TMEM132B: variants seen among roughly 807,000 people sequenced by gnomAD.
The protein encoded by TMEM132B is transmembrane protein 132B.
In TMEM132B, 18 loss-of-function variants were observed where a neutral mutation model predicts 90.8. The observed-to-expected ratio is 0.20, with a 90% confidence interval of 0.14 to 0.29. The LOEUF is 0.29. TMEM132B is among the 10% of genes least tolerant of loss of function. The pLI is 1.00. For missense variants in TMEM132B, 1,096 were observed against 1,326.8 expected, an observed-to-expected ratio of 0.83 and a Z score of 2.70; for synonymous variants, 504 against 523.3, an observed-to-expected ratio of 0.96 and a Z score of 0.50.
At chr12:125,281,054 A>C (rs1211554888) in intron 1 of TMEM132B, among the ~76,000 whole-genome samples, 1 of 152,186 alleles carries the variant, frequency 6.6e-6, no homozygotes, top group Non-Finnish European at 1.5e-5. Context: ...ATGAACCCTA[A>C]GCATTTTGGC....
At chr12:125,202,807 G>A (rs975153798) in intron 1 of TMEM132B, among the ~76,000 whole-genome samples, 1 of 152,228 alleles carries the variant, frequency 6.6e-6, no homozygotes, top group African/African-American at 2.4e-5. Context: ...GCAGGATGGA[G>A]AAAAACCTGG....
chr12:125,499,068 G>T (rs1490809355), intron 3 of TMEM132B, among the ~76,000 whole-genome samples: 1 of 152,164 alleles, frequency 6.6e-6, no homozygotes, highest in Non-Finnish European at 1.5e-5. Flanking sequence ...CCTTTGGTGT[G>T]GTTATCATGT....
intron 1 of TMEM132B, among the ~76,000 whole-genome samples, chr12:125,280,244 A>G (rs1030687906): frequency 9.2e-5 from 14 of 152,246 alleles, no homozygotes; most frequent in Non-Finnish European, 1.8e-4. Flanking sequence ...TTCCCAACAC[A>G]AAGAAATAAA....
chr12:125,376,278 CTT>C (rs200168087), intron 2 of TMEM132B, among the ~76,000 whole-genome samples: 1 of 151,570 alleles, frequency 6.6e-6, no homozygotes, highest in African/African-American at 2.4e-5. Context: ...ATTGATATTG[CTT>C]TTTTTTTCCA....
chr12:125,221,388 C>T (rs1030062566), intron 1 of TMEM132B, among the ~76,000 whole-genome samples: 5 of 152,180 alleles, frequency 3.3e-5, no homozygotes, highest in Admixed American at 6.5e-5. Context: ...CCCGTCTAGT[C>T]GGAGAAATGA....
chr12:125,405,637 A>G (rs1007940844), intron 2 of TMEM132B, among the ~76,000 whole-genome samples: 1 of 152,148 alleles, frequency 6.6e-6, no homozygotes, highest in African/African-American at 2.4e-5. Flanking sequence ...GGGCAGGCTC[A>G]GAAATGAGGA....
intron 2 of TMEM132B, among the ~76,000 whole-genome samples, chr12:125,405,045 C>A (rs927403169): frequency 6.6e-6 from 1 of 152,204 alleles, no homozygotes; most frequent in African/African-American, 2.4e-5. Flanking sequence ...ACCCTTGCAG[C>A]AGCCTCACGA....
At chr12:125,554,533 G>A (rs7139012) in intron 4 of TMEM132B, among the ~76,000 whole-genome samples, 9,927 of 149,566 alleles carry the variant, frequency 0.066, 887 homozygotes, top group African/African-American at 0.21. Flanking sequence ...TTTTCTCTGC[G>A]TTGGTGGATC....
intron 5 of TMEM132B, among the ~76,000 whole-genome samples, chr12:125,629,069 A>G (rs1047917503): frequency 6.6e-6 from 1 of 152,134 alleles, no homozygotes; most frequent in Non-Finnish European, 1.5e-5. Context: ...GTATAATTTA[A>G]AGTCAGGTAA....
chr12:125,318,106 G>C (rs1258000464), intron 1 of TMEM132B, among the ~76,000 whole-genome samples: 1 of 152,168 alleles, frequency 6.6e-6, no homozygotes, highest in Non-Finnish European at 1.5e-5. Context: ...TAGAATCATA[G>C]AGTACAATGC....
chr12:125,620,480 A>G (rs1053444562), intron 5 of TMEM132B, among the ~76,000 whole-genome samples: 10 of 152,290 alleles, frequency 6.6e-5, no homozygotes, highest in African/African-American at 2.4e-4. Flanking sequence ...GATCACCCAC[A>G]AAATATGCAT....
intron 2 of TMEM132B, among the ~76,000 whole-genome samples, chr12:125,390,864 G>A (rs1878990005): frequency 6.6e-6 from 1 of 152,166 alleles, no homozygotes; most frequent in Non-Finnish European, 1.5e-5. Flanking sequence ...AAATGCTCTT[G>A]AATTCTTGAA....
intron 5 of TMEM132B, among the ~76,000 whole-genome samples, chr12:125,595,946 A>G (rs546843225): frequency 6.6e-6 from 1 of 152,084 alleles, no homozygotes; most frequent in African/African-American, 2.4e-5. Flanking sequence ...TACTTTTCAC[A>G]GACAAACACA....
intron 4 of TMEM132B, among the ~76,000 whole-genome samples, chr12:125,573,247 C>T (rs1254755958): frequency 2.0e-5 from 3 of 152,136 alleles, no homozygotes; most frequent in Non-Finnish European, 4.4e-5. Context: ...ATATACACAC[C>T]TACGTTATAC....
At chr12:125,450,012 A>C (rs193102179) in intron 3 of TMEM132B, among the ~76,000 whole-genome samples, 12 of 152,290 alleles carry the variant, frequency 7.9e-5, no homozygotes, top group Middle Eastern at 6.8e-3. Context: ...GTGTATTCAC[A>C]TTTGTACCTG....
chr12:125,406,902 G>A lies in TMEM132B; in HGVS notation c.960-8629G>A, dbSNP rs980105259. On this transcript the variant is annotated intron_variant, in intron 2 of 8. Coordinates refer to ENST00000682704, the MANE Select transcript of TMEM132B (RefSeq NM_001366854.1). This position sits in a 1 kb window ranked among gnomAD's most constrained non-coding sequence, Gnocchi z 8.3. ...AAACTGAGTTCAGCCAAGGGAAGAG[G>A]TGCATAGAGTAGGATCCAGTAGAGG... Among the ~76,000 whole-genome samples, 1 of 152,212 alleles carries A rather than the reference G, an allele frequency of 6.6e-6. No homozygotes were observed. The highest frequency in any genetic ancestry group is 6.5e-5 in the Admixed American group (1 of 15,286).
intron 1 of TMEM132B, among the ~76,000 whole-genome samples, chr12:125,322,334 C>G: frequency 6.6e-6 from 1 of 152,228 alleles, no homozygotes; most frequent in East Asian, 1.9e-4. Flanking sequence ...GAGGCCTCCC[C>G]AGCCATGTGG....
chr12:125,562,114 A>G (rs1884547323), intron 4 of TMEM132B, among the ~76,000 whole-genome samples: 1 of 152,124 alleles, frequency 6.6e-6, no homozygotes, highest in Non-Finnish European at 1.5e-5. Flanking sequence ...CTCCATCACC[A>G]CTCACTGCTT....
chr12:125,354,038 G>A (rs1389533308), intron 2 of TMEM132B, among the ~76,000 whole-genome samples: 1 of 152,192 alleles, frequency 6.6e-6, no homozygotes, highest in Non-Finnish European at 1.5e-5. Flanking sequence ...TGGACTGTGA[G>A]TCTGCAGCCC....
Sources: gnomAD v4.1 joint callset for allele counts (sites outside exome capture counted in the v4.1 genomes callset) on GRCh38, gnomAD v4.1.1 for gene constraint, Gnocchi (gnomAD v3.1) non-coding constraint, MANE v1.5 for transcripts, NCBI Gene and HGNC (gene_info 2026-07-23, HGNC 2026-07-21) for gene names.